The following TENM4 variants were observed in gnomAD, a reference collection of about 807,000 sequenced individuals.
TENM4 encodes the protein teneurin-4.
TENM4 carries 82 observed loss-of-function variants against 243.3 expected under a neutral mutation model. The observed-to-expected ratio is 0.34, with a 90% CI of 0.28 to 0.40. The LOEUF (loss-of-function observed/expected upper bound fraction) is 0.40, where lower values mean the gene tolerates loss of function less well. Among genes scored for constraint, TENM4 ranks in the 10% least tolerant of loss-of-function variants. The pLI, the probability that TENM4 is intolerant of heterozygous loss-of-function variation, is 1.00. For synonymous variants in TENM4, 1,412 were observed against 1,456.3 expected (o/e 0.97, Z 0.69); for missense variants, 3,138 against 3,673.3 (o/e 0.85, Z 3.77).
At chr11:78,889,010 AG>A (rs1376321372) in intron 9 of TENM4, among the ~76,000 whole-genome samples, 1 of 152,216 alleles carries the variant, frequency 6.6e-6, no homozygotes, top group Non-Finnish European at 1.5e-5. Context: ...GACCAAAGCA[AG>A]GGGTCAGAAG....
At chr11:79,113,670 C>T (rs556728127) in intron 4 of TENM4, among the ~76,000 whole-genome samples, 1 of 152,116 alleles carries the variant, frequency 6.6e-6, no homozygotes, top group South Asian at 2.1e-4. Context: ...GATTAACCAA[C>T]AAAATGGCAA....
chr11:79,070,135 G>A, intron 4 of TENM4, 126 bp from the exon 5 acceptor site: 3 of 1,152,680 alleles, frequency 2.6e-6, no homozygotes, highest in South Asian at 1.6e-5. Flanking sequence ...AGAGGGTACC[G>A]CTCCACCACT....
chr11:79,143,552 G>A (rs992038769), intron 4 of TENM4, among the ~76,000 whole-genome samples: 1 of 151,996 alleles, frequency 6.6e-6, no homozygotes, highest in African/African-American at 2.4e-5. Context: ...GGGAGGGATA[G>A]CATTAGGATA....
chr11:79,377,379 C>T (rs927984909), intron 1 of TENM4, among the ~76,000 whole-genome samples: 3 of 152,174 alleles, frequency 2.0e-5, no homozygotes, highest in African/African-American at 7.2e-5. Context: ...GGTCCAGACA[C>T]CCAGCATGTC....
chr11:79,066,307 A>AT (rs1860244994), intron 5 of TENM4, among the ~76,000 whole-genome samples: 1 of 152,200 alleles, frequency 6.6e-6, no homozygotes, highest in Non-Finnish European at 1.5e-5. Context: ...GAAGAGGTGG[A>AT]TGGCCAAGCT....
intron 15 of TENM4, among the ~76,000 whole-genome samples, chr11:78,788,507 C>T (rs993639504): frequency 4.6e-5 from 7 of 152,238 alleles, no homozygotes; most frequent in Non-Finnish European, 1.0e-4. Flanking sequence ...CTTCACTGAG[C>T]TACGGTTCCT....
intron 2 of TENM4, among the ~76,000 whole-genome samples, chr11:79,221,987 T>C (rs893946773): frequency 5.9e-5 from 9 of 152,218 alleles, no homozygotes; most frequent in Non-Finnish European, 8.8e-5. Context: ...TTCTTTCTTG[T>C]GGTTCTTTGT....
rs1783948 is a variant in TENM4, at chr11:78,780,448, T to A, written c.2366-1820A>T. ...GGAGGGTCCCAATTATAAGTTCTTA[T>A]AATAACTCTGAATCCAGTTATAGAA... On this transcript the variant is annotated intron_variant, in intron 16 of 33. Coordinates refer to ENST00000278550, the MANE Select transcript of TENM4 (RefSeq NM_001098816.3). 2.0e-5 allele frequency among the ~76,000 whole-genome samples: 3 copies of A among 152,174 alleles called. No individual in the cohort carries two copies. In the East Asian group the frequency reaches 5.8e-4, roughly 29 times the overall value.
At chr11:79,031,290 A>G (rs1428312899) in intron 6 of TENM4, among the ~76,000 whole-genome samples, 1 of 152,180 alleles carries the variant, frequency 6.6e-6, no homozygotes, top group Non-Finnish European at 1.5e-5. Flanking sequence ...GAGATACCCA[A>G]TTTTCAGGAC....
chr11:78,735,551 T>C (rs1294533996), intron 20 of TENM4, among the ~76,000 whole-genome samples: 5 of 152,192 alleles, frequency 3.3e-5, no homozygotes, highest in Non-Finnish European at 7.3e-5. Context: ...AGTAATGAGC[T>C]GGGGCTAGGC....
chr11:79,294,724 A>T (rs980388550), intron 2 of TENM4, among the ~76,000 whole-genome samples: 1 of 151,978 alleles, frequency 6.6e-6, no homozygotes, highest in Non-Finnish European at 1.5e-5. Context: ...TGGCGGTTGC[A>T]TGTAATCCCA....
intron 6 of TENM4, among the ~76,000 whole-genome samples, chr11:78,971,115 C>T (rs541108542): frequency 1.3e-5 from 2 of 152,126 alleles, no homozygotes; most frequent in Admixed American, 1.3e-4. Flanking sequence ...CCTTGAACTC[C>T]CGGGTTGAGG....
intron 20 of TENM4, 106 bp from the exon 21 acceptor site, chr11:78,732,683 T>C: frequency 1.5e-6 from 2 of 1,325,024 alleles, no homozygotes; most frequent in Admixed American, 5.7e-5. Flanking sequence ...CCAAAGGGTC[T>C]CAGCATTTCT....
Position 78,771,157 on chromosome 11 carries a change from G to C in TENM4, c.2393-19C>G, listed in dbSNP as rs1482853005. On this transcript the variant is annotated intron_variant, in intron 17 of 33. Coordinates refer to ENST00000278550, the MANE Select transcript of TENM4 (RefSeq NM_001098816.3). ...CAACCCTCTGAAAGACAAAGTACAG[G>C]GTTGAGGTCTGATCACCCAGAGTCA... 1.3e-6 allele frequency: 2 copies of C among 1,559,036 alleles called. No homozygotes were observed. The highest frequency in any genetic ancestry group is 1.7e-6 in the Non-Finnish European group (2 of 1,151,068).
At chr11:79,253,359 G>A (rs1445145382) in intron 2 of TENM4, among the ~76,000 whole-genome samples, 1 of 152,160 alleles carries the variant, frequency 6.6e-6, no homozygotes, top group Non-Finnish European at 1.5e-5. Context: ...GAGCTTGCCG[G>A]GAAAACAAAT....
chr11:79,052,476 T>A (rs1859821822), intron 6 of TENM4, among the ~76,000 whole-genome samples: 1 of 152,246 alleles, frequency 6.6e-6, no homozygotes, highest in South Asian at 2.1e-4. Flanking sequence ...GGAACAACCC[T>A]TGTTTTATGG....
At chr11:79,165,679 T>C (rs1180581224) in intron 3 of TENM4, among the ~76,000 whole-genome samples, 1 of 152,198 alleles carries the variant, frequency 6.6e-6, no homozygotes, top group Admixed American at 6.5e-5. Context: ...TTTGTTGCAT[T>C]TGCTTTCAGG....
chr11:79,156,113 T>C (rs1258163585), intron 3 of TENM4, among the ~76,000 whole-genome samples: 1 of 152,166 alleles, frequency 6.6e-6, no homozygotes, highest in Non-Finnish European at 1.5e-5. Flanking sequence ...AGGCACACTG[T>C]GTTCTCCTGC....
intron 15 of TENM4, among the ~76,000 whole-genome samples, chr11:78,789,435 C>T (rs1857008597): frequency 6.6e-6 from 1 of 152,202 alleles, no homozygotes; most frequent in Admixed American, 6.5e-5. Flanking sequence ...CTCCAGGCCC[C>T]AGGATATCCT....
Sources: allele counts gnomAD v4.1 joint callset (sites outside exome capture counted in the v4.1 genomes callset), GRCh38; gene constraint gnomAD v4.1.1; transcripts MANE v1.5; gene names NCBI Gene and HGNC (gene_info 2026-07-23, HGNC 2026-07-21).